STARD8: variants seen among roughly 807,000 people sequenced by gnomAD.
STARD8 encodes StAR related lipid transfer domain containing 8, also known as stAR-related lipid transfer protein 8.
Under a neutral mutation model 69.4 loss-of-function variants are expected in STARD8, and 25 were observed. That is an observed-to-expected ratio of 0.36 (90% CI 0.26 to 0.50). STARD8 has a LOEUF of 0.50. Ranked by LOEUF, STARD8 falls within the 20% of genes least tolerant of loss-of-function variation. The pLI, the probability that STARD8 is intolerant of heterozygous loss-of-function variation, is 0.96. For missense variants in STARD8, 921 were observed against 932.5 expected (o/e 0.99, Z 0.16); for synonymous variants, 389 against 374.6 (o/e 1.04, Z -0.45).
rs2080112459 is a variant in STARD8 at position 68,718,143 on chromosome X, A to T, written c.1229A>T (p.Tyr410Phe). 1 of 1,209,892 alleles carries T rather than the reference A, an allele frequency of 8.3e-7. No homozygotes were observed. Among genetic ancestry groups the T allele is most frequent in the African/African-American group, 1.7e-5 (1 of 57,155 alleles). The change falls in exon 6 of 15, where the codon TAC (tyrosine) becomes TTC (phenylalanine). Residue 410 changes from tyrosine to phenylalanine, a missense_variant. By Grantham distance (22) the Tyr-to-Phe change is conservative. Transcript: ENST00000374599. ...QRVELWSRAMYPDLGPGDEEE... is the reference protein window; with the variant it reads ...QRVELWSRAMFPDLGPGDEEE... ...GTAGAGCTGTGGTCTCGGGCCATGT[A>T]CCCAGACCTGGGGCCTGGAGATGAG...
At chrX:68,689,868 G>T (rs2079863384) in intron 2 of STARD8, among the ~76,000 whole-genome samples, 1 of 110,744 alleles carries the variant, frequency 9.0e-6, no homozygotes, top group Non-Finnish European at 1.9e-5. Context: ...ACAGTGAGGT[G>T]TTTGTGTGGC....
At chrX:68,653,178 A>AC (rs2079575948) in intron 1 of STARD8, among the ~76,000 whole-genome samples, 1 of 2,918 alleles carries the variant, frequency 3.4e-4, no homozygotes, top group Non-Finnish European at 6.3e-4. Flanking sequence ...ACACACACAC[A>AC]ACACAGCACA....
intron 1 of STARD8, among the ~76,000 whole-genome samples, chrX:68,652,158 A>G (rs761464549): frequency 2.7e-5 from 3 of 110,991 alleles, no homozygotes; most frequent in South Asian, 7.8e-4. Context: ...ACGCTCGGCA[A>G]GGCTGTGTCT....
At chrX:68,690,435 G>C (rs867562319) in intron 2 of STARD8, among the ~76,000 whole-genome samples, 22 of 107,005 alleles carry the variant, frequency 2.1e-4, no homozygotes, top group Admixed American at 6.9e-4. Flanking sequence ...GGCAGGCAGG[G>C]CGGGGGGACT....
intron 1 of STARD8, among the ~76,000 whole-genome samples, chrX:68,653,062 C>T (rs1036725776): frequency 9.2e-5 from 1 of 10,900 alleles, no homozygotes; most frequent in African/African-American, 3.0e-4. Flanking sequence ...ACCACACACA[C>T]CACACACCAC....
intron 2 of STARD8, among the ~76,000 whole-genome samples, chrX:68,707,467 G>A (rs1004484078): frequency 8.9e-6 from 1 of 111,908 alleles, no homozygotes; most frequent in African/African-American, 3.3e-5. Context: ...TTTCTGTTTA[G>A]GGCGGTGGTC....
At chrX:68,691,590 TATC>T (rs766484116) in intron 2 of STARD8, among the ~76,000 whole-genome samples, 2 of 112,352 alleles carry the variant, frequency 1.8e-5, no homozygotes, top group Non-Finnish European at 3.8e-5. Context: ...GCATGGCAAA[TATC>T]ATGATTGTAG....
intron 2 of STARD8, among the ~76,000 whole-genome samples, chrX:68,686,174 C>T (rs1368938944): frequency 9.1e-6 from 1 of 110,229 alleles, no homozygotes; most frequent in Non-Finnish European, 1.9e-5. Flanking sequence ...AGAAGGCTTC[C>T]TATGGTGATG....
At chrX:68,653,043 A>C (rs1365754829) in intron 1 of STARD8, among the ~76,000 whole-genome samples, 3 of 17,896 alleles carry the variant, frequency 1.7e-4, no homozygotes, top group Non-Finnish European at 2.0e-4. Context: ...CCACACACAC[A>C]CATCACACAC....
intron 2 of STARD8, among the ~76,000 whole-genome samples, chrX:68,670,969 G>A (rs1263632745): frequency 9.0e-6 from 1 of 111,470 alleles, no homozygotes; most frequent in Non-Finnish European, 1.9e-5. Context: ...GGCCCTAGCA[G>A]CTCTGGCCTT....
At chrX:68,668,101 C>CTTTTCTTTCTTTCT (rs765789267) in intron 2 of STARD8, among the ~76,000 whole-genome samples, 1 of 96,736 alleles carries the variant, frequency 1.0e-5, no homozygotes, top group African/African-American at 4.0e-5. Context: ...TTCTTTCTTT[C>CTTTTCTTTCTTTCT]TTTCTTTCTT....
chrX:68,665,383 T>A (rs899635762), intron 1 of STARD8, 116 bp from the exon 2 acceptor site: 3 of 830,365 alleles, frequency 3.6e-6, no homozygotes, highest in Non-Finnish European at 5.2e-6. Flanking sequence ...TGGACCTCCA[T>A]GTGTCTTTCT....
chrX:68,691,110 AACAC>A (rs1199440174), intron 2 of STARD8, among the ~76,000 whole-genome samples: 4 of 110,570 alleles, frequency 3.6e-5, no homozygotes, highest in African/African-American at 6.6e-5. Flanking sequence ...CGGGCACAGA[AACAC>A]ACACACACAC....
At chrX:68,671,739 C>T (rs1361537802) in intron 2 of STARD8, among the ~76,000 whole-genome samples, 1 of 112,040 alleles carries the variant, frequency 8.9e-6, no homozygotes, top group East Asian at 2.8e-4. Flanking sequence ...CACATTTTCA[C>T]CAAACTCTTG....
intron 6 of STARD8, among the ~76,000 whole-genome samples, chrX:68,718,865 C>T (rs1383547594): frequency 1.8e-5 from 2 of 111,485 alleles, no homozygotes; most frequent in Non-Finnish European, 3.8e-5. Context: ...TCAGTTTCCT[C>T]ATCTGTAAAG....
chrX:68,696,827 A>G (rs974095904), intron 2 of STARD8, among the ~76,000 whole-genome samples: 2 of 112,111 alleles, frequency 1.8e-5, no homozygotes, highest in Non-Finnish European at 3.8e-5. Flanking sequence ...GTTCCAGGGA[A>G]TGTACCATCT....
intron 2 of STARD8, among the ~76,000 whole-genome samples, chrX:68,673,509 T>C (rs2079743195): frequency 8.9e-6 from 1 of 111,798 alleles, no homozygotes; most frequent in African/African-American, 3.3e-5. Context: ...CTACTACTGT[T>C]GCTAGAAGGG....
At chrX:68,656,342 A>G (rs1408504262) in intron 1 of STARD8, 1 of 112,237 alleles carries the variant, frequency 8.9e-6, no homozygotes, top group African/African-American at 3.2e-5. Flanking sequence ...GGCGATCATT[A>G]AAAAGTCAGG....
chrX:68,693,322 C>T (rs984977720), intron 2 of STARD8, among the ~76,000 whole-genome samples: 8 of 112,787 alleles, frequency 7.1e-5, no homozygotes, highest in Non-Finnish European at 9.4e-5. Context: ...CTGAACCCTC[C>T]CGGGCACATA....
Sources: gnomAD v4.1 joint callset for allele counts (sites outside exome capture counted in the v4.1 genomes callset) on GRCh38, gnomAD v4.1.1 for gene constraint, MANE v1.5 for transcripts, NCBI Gene and HGNC (gene_info 2026-07-23, HGNC 2026-07-21) for gene names.